Variants in GPM6B observed in about 807,000 individuals in gnomAD.
The protein encoded by GPM6B is neuronal membrane glycoprotein M6-b.
GPM6B carries 4 observed loss-of-function variants against 27.2 expected under a neutral mutation model. The observed-to-expected ratio is 0.15, with a 90% CI of 0.07 to 0.34. GPM6B has a LOEUF of 0.34. Among genes scored for constraint, GPM6B ranks in the 10% least tolerant of loss-of-function variants. The probability of loss-of-function intolerance (pLI) is 1.00; values close to 1 mark genes in which losing one functional copy is unlikely to be tolerated. For synonymous variants in GPM6B, 124 were observed against 103.1 expected, an observed-to-expected ratio of 1.20 and a Z score of -1.23; for missense variants, 183 against 261.9, an observed-to-expected ratio of 0.70 and a Z score of 2.08.
intron 1 of GPM6B, among the ~76,000 whole-genome samples, chrX:13,824,560 T>C (rs190820195): frequency 5.7e-4 from 63 of 111,175 alleles, no homozygotes; most frequent in Non-Finnish European, 2.6e-4. Context: ...TTTAGGAAAA[T>C]TGTCCAGAGG....
chrX:13,870,363 C>A (rs1386538760), intron 1 of GPM6B, among the ~76,000 whole-genome samples: 1 of 112,323 alleles, frequency 8.9e-6, no homozygotes, highest in Non-Finnish European at 1.9e-5. Flanking sequence ...AAATAAAGAT[C>A]ATCTGTGAAG....
At chrX:13,811,324 G>C (rs1432061085) in intron 1 of GPM6B, among the ~76,000 whole-genome samples, 2 of 112,460 alleles carry the variant, frequency 1.8e-5, no homozygotes, top group Non-Finnish European at 3.8e-5. Flanking sequence ...CGAGAAGGCT[G>C]AACAAATGAA....
intron 2 of GPM6B, among the ~76,000 whole-genome samples, chrX:13,792,629 G>C (rs751365957): frequency 1.8e-5 from 2 of 111,815 alleles, no homozygotes; most frequent in African/African-American, 6.5e-5. Flanking sequence ...GGGCCGGGCG[G>C]GGTGGCTCAC....
intron 1 of GPM6B, among the ~76,000 whole-genome samples, chrX:13,928,255 A>G (rs886378827): frequency 8.9e-6 from 1 of 112,426 alleles, no homozygotes; most frequent in Non-Finnish European, 1.9e-5. Flanking sequence ...TTATTAATCT[A>G]TAACTGCTGG....
chrX:13,852,377 C>A (rs773388897), intron 1 of GPM6B, among the ~76,000 whole-genome samples: 47 of 111,436 alleles, frequency 4.2e-4, no homozygotes, highest in African/African-American at 1.5e-3. Flanking sequence ...CCTCTCAGCT[C>A]TTTTCATTTT....
chrX:13,827,232 AT>A (rs1464105678), intron 1 of GPM6B, among the ~76,000 whole-genome samples: 1 of 100,021 alleles, frequency 1.0e-5, no homozygotes, highest in Admixed American at 1.1e-4. Context: ...GCTAAAGTCC[AT>A]CTCCTTTAGA....
At chrX:13,889,143 A>G (rs141614452) in intron 1 of GPM6B, 33 of 110,846 alleles carry the variant, frequency 3.0e-4, no homozygotes, top group African/African-American at 9.3e-4. Flanking sequence ...TGATGTGGCC[A>G]TTAATAATTA....
intron 1 of GPM6B, among the ~76,000 whole-genome samples, chrX:13,857,458 T>C (rs1026634252): frequency 5.3e-5 from 6 of 112,211 alleles, no homozygotes; most frequent in African/African-American, 1.6e-4. Context: ...AAAGGACCCC[T>C]GGTTTTAAGC....
intron 7 of GPM6B, among the ~76,000 whole-genome samples, chrX:13,775,324 C>T (rs73451161): frequency 0.018 from 1,991 of 113,072 alleles, 37 homozygotes; most frequent in African/African-American, 0.061. Context: ...ATGTGCAGAG[C>T]GGTGAAAGTT....
At chrX:13,813,572 G>T (rs892067045) in intron 1 of GPM6B, among the ~76,000 whole-genome samples, 1 of 111,772 alleles carries the variant, frequency 8.9e-6, no homozygotes, top group African/African-American at 3.2e-5. Context: ...ATAACAGATA[G>T]ATTTTTCCCC....
At chrX:13,869,911 G>T (rs2049957011) in intron 1 of GPM6B, among the ~76,000 whole-genome samples, 1 of 112,009 alleles carries the variant, frequency 8.9e-6, no homozygotes, top group South Asian at 3.7e-4. Flanking sequence ...TCCATTCCAG[G>T]ATACAATTCA....
At chrX:13,861,936 G>A (rs755297727) in intron 1 of GPM6B, among the ~76,000 whole-genome samples, 1 of 111,524 alleles carries the variant, frequency 9.0e-6, no homozygotes, top group South Asian at 3.8e-4. Flanking sequence ...GATTCTTCAG[G>A]AACCCACGAT....
At position 13,915,805 on chromosome X, in the gene GPM6B, T is replaced by C. The variant is rs199869704; in HGVS notation, c.-198+22522A>G. ...TGCATATCTGCCATTTTATAATAGG[T>C]ATGTATGTACATGTATATATGTATT... On this transcript the variant is annotated intron_variant, in intron 1 of 6. Transcript: ENST00000398361. Among the ~76,000 whole-genome samples, 4 of 112,682 alleles carry C rather than the reference T, an allele frequency of 3.5e-5. No homozygotes were observed. The East Asian group carries it at 1.1e-3, about 31-fold the overall frequency.
In GPM6B at chrX:13,774,674, G is replaced by A. The variant is rs761533766; in HGVS notation, c.837+1564C>T. The A allele has an allele frequency of 7.2e-5, 71 of 988,510 alleles. No homozygotes were observed. The South Asian group carries it at 9.3e-4, about 13-fold the overall frequency. 81.5% of individuals were successfully genotyped at this position (988,510 alleles called of 1,213,427 possible). A position where few individuals can be genotyped will look rare whatever the true frequency, so the allele number is the denominator to read the frequency against. On this transcript the variant is annotated intron_variant, in intron 7 of 7. Coordinates refer to ENST00000316715, the MANE Select transcript of GPM6B (RefSeq NM_001001995.3). Reference sequence around the variant, plus strand: ...CAGTAAGATACAGGCAGTGAGGGCCGATGCCATGACACTTCTAAACTTGGG... The same window carrying A: ...CAGTAAGATACAGGCAGTGAGGGCCAATGCCATGACACTTCTAAACTTGGG...
At chrX:13,807,820 T>A in intron 1 of GPM6B, 51 bp from the exon 2 acceptor site, 1 of 1,086,520 alleles carries the variant, frequency 9.2e-7, no homozygotes. Context: ...CAGCAAAGAT[T>A]CTATATCAGC....
intron 1 of GPM6B, among the ~76,000 whole-genome samples, chrX:13,827,271 CTTTTTTTTTTT>C (rs1173680918): frequency 3.1e-4 from 23 of 73,643 alleles, no homozygotes; most frequent in African/African-American, 7.5e-4. Flanking sequence ...TACCGACTTC[CTTTTTTTTTTT>C]TTTTTTTTTT....
rs761891419 is a variant in GPM6B at position 13,877,824 on chromosome X, CAAAAAAAAA to C, written c.-198+60494_-198+60502del. Among the ~76,000 whole-genome samples the C allele has an allele frequency of 2.2e-4, 6 of 27,465 alleles. No homozygotes were observed. The South Asian group carries it at 0.049, about 224-fold the overall frequency. The allele number at this position is 27,465 out of a possible 115,157, so 23.9% of individuals were successfully genotyped here. A position where few individuals can be genotyped will look rare whatever the true frequency, so the allele number is the denominator to read the frequency against. ...CCTGGGCATTAGAGCCAGACTCTGC[CAAAAAAAAA>C]AAAAAAAAAAAAAAAAAATTCACCA... On this transcript the variant is annotated intron_variant, in intron 1 of 6. Coordinates refer to the GPM6B transcript ENST00000398361.
At chrX:13,847,109 T>C (rs767569921) in intron 1 of GPM6B, among the ~76,000 whole-genome samples, 15 of 111,184 alleles carry the variant, frequency 1.3e-4, no homozygotes, top group Admixed American at 5.8e-4. Context: ...AAAATCCAAA[T>C]GTCATATAGA....
At chrX:13,933,916 AG>A (rs1464839256) in intron 1 of GPM6B, among the ~76,000 whole-genome samples, 1 of 111,934 alleles carries the variant, frequency 8.9e-6, no homozygotes, top group African/African-American at 3.2e-5. Flanking sequence ...CTCAAAGCAA[AG>A]GCCTTGACTC....
Sources: allele counts gnomAD v4.1 joint callset (sites outside exome capture counted in the v4.1 genomes callset), GRCh38; gene constraint gnomAD v4.1.1; transcripts MANE v1.5; gene names NCBI Gene and HGNC (gene_info 2026-07-23, HGNC 2026-07-21).